The following SLC5A12 variants were observed in gnomAD, a reference collection of about 807,000 sequenced individuals.
SLC5A12 encodes the protein sodium-coupled monocarboxylate transporter 2.
Under a neutral mutation model 72.7 loss-of-function variants are expected in SLC5A12, and 46 were observed. The observed-to-expected ratio is 0.63, with a 90% CI of 0.50 to 0.81. The LOEUF is 0.81. SLC5A12 is among the 30% of genes least tolerant of loss of function. The pLI is 0.00. For missense variants in SLC5A12, 683 were observed against 740.7 expected (o/e 0.92, Z 0.90); for synonymous variants, 275 against 264.4 (o/e 1.04, Z -0.39).
intron 6 of SLC5A12, among the ~76,000 whole-genome samples, chr11:26,702,429 A>C (rs1854978500): frequency 6.6e-6 from 1 of 152,168 alleles, no homozygotes; most frequent in Admixed American, 6.6e-5. Context: ...TTTTAAAATC[A>C]CCTGGGGAAA....
At chr11:26,680,048 G>A (rs1854355656) in intron 12 of SLC5A12, among the ~76,000 whole-genome samples, 2 of 151,856 alleles carry the variant, frequency 1.3e-5, no homozygotes, top group African/African-American at 4.8e-5. Context: ...ATGCCGGACC[G>A]AGAGAGACTT....
intron 8 of SLC5A12, among the ~76,000 whole-genome samples, chr11:26,695,422 A>T (rs1854785683): frequency 6.6e-6 from 1 of 152,152 alleles, no homozygotes; most frequent in South Asian, 2.1e-4. Flanking sequence ...TATAGTCTAG[A>T]TAATTTAATA....
At chr11:26,676,659 C>T (rs1230280348) in intron 13 of SLC5A12, among the ~76,000 whole-genome samples, 4 of 152,038 alleles carry the variant, frequency 2.6e-5, no homozygotes, top group Admixed American at 6.6e-5. Flanking sequence ...TTTCACATAT[C>T]TAAAATGGAA....
intron 9 of SLC5A12, chr11:26,691,853 T>C (rs1439271818): frequency 6.6e-6 from 1 of 152,208 alleles, no homozygotes; most frequent in Non-Finnish European, 1.5e-5. Flanking sequence ...GCAATTATTC[T>C]TTGAGGGGGT....
At chr11:26,676,572 T>C (rs1274347239) in intron 13 of SLC5A12, among the ~76,000 whole-genome samples, 1 of 152,128 alleles carries the variant, frequency 6.6e-6, no homozygotes, top group East Asian at 1.9e-4. Context: ...CTATATACTG[T>C]CCTGATAATG....
intron 6 of SLC5A12, among the ~76,000 whole-genome samples, chr11:26,699,121 C>T (rs2133186842): frequency 6.6e-6 from 1 of 152,274 alleles, no homozygotes; most frequent in South Asian, 2.1e-4. Flanking sequence ...CACAGATATG[C>T]CTAATTCCAG....
rs775214349 is a variant in SLC5A12 at position 26,669,166 on chromosome 11, T to TTTCTTTCTTTC, written c.*1935_*1936insGAAAGAAAGAA. On this transcript the variant is annotated 3_prime_UTR_variant, in exon 15 of 15. Coordinates refer to ENST00000396005, the MANE Select transcript of SLC5A12 (RefSeq NM_178498.4). Reference sequence around the variant, plus strand: ...CTGTCTCTCTCTTCCTCTTCCTGTCTTTTTCTTTCTTTCTTTCTTCTTTTC... The same window carrying TTTCTTTCTTTC: ...CTGTCTCTCTCTTCCTCTTCCTGTCTTTCTTTCTTTCTTTTCTTTCTTTCTTTCTTCTTTTC... 6.0e-5 allele frequency: 8 copies of TTTCTTTCTTTC among 133,594 alleles called. No homozygotes were observed. The highest frequency in any genetic ancestry group is 1.1e-4 in the Non-Finnish European group (7 of 61,026). The allele number at this position is 133,594 out of a possible 1,614,324, so 8.3% of individuals were successfully genotyped here.
chr11:26,719,989 C>T (rs1266906445), intron 1 of SLC5A12, among the ~76,000 whole-genome samples: 5 of 152,184 alleles, frequency 3.3e-5, no homozygotes, highest in African/African-American at 1.2e-4. Context: ...GGTGACAGTA[C>T]CTGTCTAAAA....
chr11:26,718,277 T>C (rs1402750635), intron 1 of SLC5A12, among the ~76,000 whole-genome samples: 2 of 152,222 alleles, frequency 1.3e-5, no homozygotes, highest in Non-Finnish European at 2.9e-5. Flanking sequence ...AAAGTATTTG[T>C]ATACAATAAA....
At chr11:26,681,287 T>A in intron 11 of SLC5A12, 66 bp from the exon 12 acceptor site, 1 of 1,333,290 alleles carries the variant, frequency 7.5e-7, no homozygotes, top group Non-Finnish European at 1.0e-6. Flanking sequence ...AATAATGAGA[T>A]GAGGAGTTCT....
intron 4 of SLC5A12, among the ~76,000 whole-genome samples, chr11:26,707,640 T>G (rs183531806): frequency 7.9e-5 from 12 of 152,166 alleles, no homozygotes; most frequent in African/African-American, 2.4e-4. Context: ...TGCTTACTCA[T>G]CTTTGAAATT....
chr11:26,676,033 A>G (rs368244213), intron 13 of SLC5A12, among the ~76,000 whole-genome samples: 1 of 151,954 alleles, frequency 6.6e-6, no homozygotes, highest in East Asian at 1.9e-4. Flanking sequence ...AGACTGAAAT[A>G]AGGTAGATTA....
intron 7 of SLC5A12, among the ~76,000 whole-genome samples, chr11:26,698,145 G>C (rs537787160): frequency 1.4e-4 from 21 of 152,044 alleles, no homozygotes; most frequent in African/African-American, 5.1e-4. Flanking sequence ...TGATCTGCCC[G>C]CCTCGGCCTC....
chr11:26,701,822 G>A (rs1032879548), intron 6 of SLC5A12, among the ~76,000 whole-genome samples: 1 of 151,982 alleles, frequency 6.6e-6, no homozygotes, highest in African/African-American at 2.4e-5. Context: ...GTGTCCCTGT[G>A]TATATACATA....
intron 11 of SLC5A12, 64 bp from the exon 12 acceptor site, chr11:26,681,285 G>A (rs1854407192): frequency 2.2e-6 from 3 of 1,370,804 alleles, no homozygotes; most frequent in South Asian, 1.6e-5. Flanking sequence ...AGAATAATGA[G>A]ATGAGGAGTT....
rs1590716029 is a variant in SLC5A12 at position 26,686,546 on chromosome 11, T to C, written c.1154-2A>G. ...TACACATCACGCCAAATAAGAGACC[T>C]GAAAGAAAGAAAAATTACAATCATA... On this transcript the variant is annotated splice_acceptor_variant, in intron 9 of 14. Coordinates refer to ENST00000396005, the MANE Select transcript of SLC5A12 (RefSeq NM_178498.4). LOFTEE classifies it high-confidence loss of function. The C allele has an allele frequency of 6.2e-7, 1 of 1,613,448 alleles. No homozygotes were observed. Among genetic ancestry groups the C allele is most frequent in the Non-Finnish European group, 8.5e-7 (1 of 1,179,610 alleles).
chr11:26,691,525 A>T (rs190909760), intron 9 of SLC5A12: 1 of 152,236 alleles, frequency 6.6e-6, no homozygotes, highest in Admixed American at 6.5e-5. Context: ...AATAACATAA[A>T]ATTAAGCAAA....
Position 26,703,596 on chromosome 11 carries a change from G to A in SLC5A12, c.756C>T (p.Ile252=). The change falls in exon 6 of 15, where the codon ATC becomes ATT. Residue 252 remains isoleucine (I), a synonymous_variant. Transcript: ENST00000396005. The part of the protein sequence containing the change: ...TVGGTFTWLG[I]YGVNQSTIQR... ...GAATAGTTGATTGATTGACCCCATA[G>A]ATTCCGAGCCAAGTAAAAGTTCCTC... The A allele has an allele frequency of 2.2e-5, 35 of 1,613,984 alleles. No homozygotes were observed. Among genetic ancestry groups the A allele is most frequent in the Non-Finnish European group, 3.0e-5 (35 of 1,179,950 alleles).
intron 14 of SLC5A12, among the ~76,000 whole-genome samples, chr11:26,672,258 G>T (rs940547437): frequency 6.6e-6 from 1 of 150,894 alleles, no homozygotes; most frequent in Non-Finnish European, 1.5e-5. Flanking sequence ...GTTTTCTGGA[G>T]ATAAGAGCAA....
Sources: allele counts gnomAD v4.1 joint callset (sites outside exome capture counted in the v4.1 genomes callset), GRCh38; gene constraint gnomAD v4.1.1; transcripts MANE v1.5; gene names NCBI Gene and HGNC (gene_info 2026-07-23, HGNC 2026-07-21).